ELMO1: variants seen among roughly 807,000 people sequenced by gnomAD.
The protein encoded by ELMO1 is engulfment and cell motility 1.
ELMO1 carries 26 observed loss-of-function variants against 98.9 expected under a neutral mutation model. The ratio of observed to expected loss-of-function variants is 0.26; its 90% CI spans 0.19 to 0.36. The LOEUF is 0.36. ELMO1 is among the 10% of genes least tolerant of loss of function. The pLI, the probability that ELMO1 is intolerant of heterozygous loss-of-function variation, is 1.00. For missense variants in ELMO1, 627 were observed against 935.2 expected, an observed-to-expected ratio of 0.67 and a Z score of 4.30; for synonymous variants, 346 against 346.0, an observed-to-expected ratio of 1.00 and a Z score of 0.00.
intron 13 of ELMO1, among the ~76,000 whole-genome samples, chr7:37,181,035 A>C (rs1345138239): frequency 6.6e-6 from 1 of 152,202 alleles, no homozygotes; most frequent in Non-Finnish European, 1.5e-5. Flanking sequence ...GTGCAATATT[A>C]TAAATGTACT....
chr7:36,952,240 G>T (rs1302375431), intron 16 of ELMO1, among the ~76,000 whole-genome samples: 1 of 152,182 alleles, frequency 6.6e-6, no homozygotes, highest in Non-Finnish European at 1.5e-5. Context: ...GATTTGAAAG[G>T]AATCAGTCAA....
At chr7:36,974,266 G>A (rs184056034) in intron 16 of ELMO1, among the ~76,000 whole-genome samples, 154 of 152,358 alleles carry the variant, frequency 1.0e-3, no homozygotes, top group African/African-American at 3.2e-3. Context: ...ACACCAATCA[G>A]CACCCTGTGT....
At chr7:37,085,645 G>GA (rs1045927929) in intron 15 of ELMO1, among the ~76,000 whole-genome samples, 17 of 148,918 alleles carry the variant, frequency 1.1e-4, no homozygotes, top group African/African-American at 3.2e-4. Flanking sequence ...TACTGCTTTG[G>GA]AAAAAAAAAA....
intron 13 of ELMO1, among the ~76,000 whole-genome samples, chr7:37,193,213 T>TC (rs1202270412): frequency 6.6e-6 from 1 of 151,400 alleles, no homozygotes; most frequent in Non-Finnish European, 1.5e-5. Flanking sequence ...TTTGACCACT[T>TC]CCCCCCTGGA....
intron 4 of ELMO1, among the ~76,000 whole-genome samples, chr7:37,288,435 G>C (rs960719700): frequency 6.6e-6 from 1 of 152,194 alleles, no homozygotes; most frequent in African/African-American, 2.4e-5. Flanking sequence ...ATGTTGGTCA[G>C]GCTGGTCTTG....
Position 37,421,000 on chromosome 7 carries a change from C to A in ELMO1, c.-74+27675G>T, listed in dbSNP as rs562426548. On this transcript the variant is annotated intron_variant, in intron 1 of 21. Transcript: ENST00000310758. The stretch of plus-strand genomic sequence containing the variant: ...CTCAGATTTCACTGCTGCAAACCTG[C>A]TTCTGCCATGCAGTATGTAAAAGTG... 3.3e-5 allele frequency among the ~76,000 whole-genome samples: 5 copies of A among 152,324 alleles called. No individual in the cohort carries two copies. The South Asian group carries it at 1.0e-3, about 32-fold the overall frequency.
intron 16 of ELMO1, among the ~76,000 whole-genome samples, chr7:36,982,169 G>A (rs1791119658): frequency 6.6e-6 from 1 of 152,176 alleles, no homozygotes; most frequent in Admixed American, 6.5e-5. Context: ...TGTATGTTTG[G>A]AACAACTTGT....
chr7:37,178,820 T>C (rs930812091), intron 13 of ELMO1, among the ~76,000 whole-genome samples: 1 of 152,090 alleles, frequency 6.6e-6, no homozygotes, highest in Non-Finnish European at 1.5e-5. Context: ...AAGAACAGTC[T>C]ACAAAACACA....
intron 1 of ELMO1, among the ~76,000 whole-genome samples, chr7:37,428,333 A>G (rs2131554187): frequency 6.6e-6 from 1 of 152,346 alleles, no homozygotes; most frequent in Admixed American, 6.5e-5. Flanking sequence ...GTATGAATAC[A>G]AAAACAACTT....
At chr7:37,253,897 G>T (rs977375471) in intron 6 of ELMO1, among the ~76,000 whole-genome samples, 1 of 152,030 alleles carries the variant, frequency 6.6e-6, no homozygotes. Context: ...CTGGAACATT[G>T]CCCAGGAGTC....
intron 13 of ELMO1, among the ~76,000 whole-genome samples, chr7:37,198,705 A>C (rs1792110045): frequency 6.6e-6 from 1 of 152,352 alleles, no homozygotes; most frequent in East Asian, 1.9e-4. Flanking sequence ...TCACCCTTGC[A>C]CCTGCTGGAT....
chr7:37,328,383 CAAAAAAAA>C (rs10669717), intron 2 of ELMO1, among the ~76,000 whole-genome samples: 8,568 of 65,164 alleles, frequency 0.13, 435 homozygotes, highest in Middle Eastern at 0.22. Context: ...GACCCTGCCA[CAAAAAAAA>C]AAAAAAAAAA....
At chr7:37,096,583 C>G (rs779439550) in intron 15 of ELMO1, 36 bp downstream of exon 15, 1 of 1,589,240 alleles carries the variant, frequency 6.3e-7, no homozygotes, top group Non-Finnish European at 8.6e-7. Context: ...GGGACTCTGC[C>G]AGCTTCACAC....
At chr7:37,211,612 T>C in intron 12 of ELMO1, 95 bp from the exon 13 acceptor site, 1 of 1,474,972 alleles carries the variant, frequency 6.8e-7, no homozygotes, top group Non-Finnish European at 9.1e-7. Flanking sequence ...GGGGTCTAAA[T>C]GAATCACTGC....
intron 16 of ELMO1, among the ~76,000 whole-genome samples, chr7:36,950,285 A>T (rs1411771298): frequency 6.6e-6 from 1 of 152,226 alleles, no homozygotes; most frequent in Non-Finnish European, 1.5e-5. Flanking sequence ...CCCTGTGAGC[A>T]AGACTCAGGA....
intron 15 of ELMO1, among the ~76,000 whole-genome samples, chr7:37,072,563 T>C (rs1797337245): frequency 1.3e-5 from 2 of 152,204 alleles, no homozygotes; most frequent in South Asian, 4.1e-4. Context: ...CAAATCAATA[T>C]AGCTCCTCTA....
At chr7:36,954,312 C>G (rs1299431963) in intron 16 of ELMO1, among the ~76,000 whole-genome samples, 2 of 152,164 alleles carry the variant, frequency 1.3e-5, no homozygotes, top group African/African-American at 4.8e-5. Flanking sequence ...AATTAGGGTT[C>G]TGGCCAAATG....
At chr7:37,078,760 CTA>C (rs1797713544) in intron 15 of ELMO1, among the ~76,000 whole-genome samples, 1 of 152,006 alleles carries the variant, frequency 6.6e-6, no homozygotes, top group African/African-American at 2.4e-5. Flanking sequence ...TGCAATGAGT[CTA>C]GTCAAATTAA....
At chr7:37,034,621 T>A (rs1795076542) in intron 15 of ELMO1, among the ~76,000 whole-genome samples, 1 of 152,166 alleles carries the variant, frequency 6.6e-6, no homozygotes, top group Non-Finnish European at 1.5e-5. Context: ...TATTATATAT[T>A]GTATTATTAC....
Sources: allele counts gnomAD v4.1 joint callset (sites outside exome capture counted in the v4.1 genomes callset), GRCh38; gene constraint gnomAD v4.1.1; transcripts MANE v1.5; gene names NCBI Gene and HGNC (gene_info 2026-07-23, HGNC 2026-07-21).